The following SEPTIN2 variants were observed in gnomAD, a reference collection of about 807,000 sequenced individuals.
SEPTIN2 encodes septin-2.
SEPTIN2 carries 34 observed loss-of-function variants against 46.5 expected under a neutral mutation model. The ratio of observed to expected loss-of-function variants is 0.73; its 90% CI spans 0.56 to 0.97. The LOEUF is 0.97. Among genes scored for constraint, SEPTIN2 ranks in the 50% least tolerant of loss-of-function variants. SEPTIN2 has a pLI of 0.00. For synonymous variants in SEPTIN2, 175 were observed against 153.4 expected, an observed-to-expected ratio of 1.14 and a Z score of -1.04; for missense variants, 347 against 448.4, an observed-to-expected ratio of 0.77 and a Z score of 2.04.
At chr2:241,335,327 A>G in intron 4 of SEPTIN2, 115 bp downstream of exon 4, 10 of 1,554,528 alleles carry the variant, frequency 6.4e-6, no homozygotes, top group Non-Finnish European at 8.7e-6. Context: ...TTCAGCTTTG[A>G]ACACAAGGAA....
At chr2:241,335,641 T>A (rs1364310787) in intron 4 of SEPTIN2, 14 of 574,432 alleles carry the variant, frequency 2.4e-5, no homozygotes, top group Admixed American at 1.2e-4. Flanking sequence ...AGTGAGAGCC[T>A]AAGACTTGGG....
intron 1 of SEPTIN2, among the ~76,000 whole-genome samples, chr2:241,322,770 A>G (rs1234010569): frequency 1.3e-5 from 2 of 152,132 alleles, no homozygotes; most frequent in Admixed American, 6.5e-5. Context: ...AGGTAGCTCT[A>G]GGAAACTCCA....
chr2:241,323,558 A>G (rs1288822229), intron 1 of SEPTIN2, among the ~76,000 whole-genome samples: 1 of 152,078 alleles, frequency 6.6e-6, no homozygotes, highest in Non-Finnish European at 1.5e-5. Context: ...CGTCTGGCCT[A>G]ATTTTTTTAA....
intron 11 of SEPTIN2, among the ~76,000 whole-genome samples, chr2:241,349,202 A>G (rs2060548248): frequency 6.6e-6 from 1 of 151,766 alleles, no homozygotes; most frequent in Non-Finnish European, 1.5e-5. Flanking sequence ...CGTTCTCTAG[A>G]AAAAAATTAA....
intron 10 of SEPTIN2, among the ~76,000 whole-genome samples, chr2:241,346,783 G>C (rs747156093): frequency 6.6e-6 from 1 of 151,788 alleles, no homozygotes; most frequent in Non-Finnish European, 1.5e-5. Flanking sequence ...AGATGGAAAG[G>C]CCAGAGGCTT....
chr2:241,316,225 A>C, intron 1 of SEPTIN2: 2 of 346,276 alleles, frequency 5.8e-6, no homozygotes, highest in Non-Finnish European at 5.2e-6. Context: ...CGGGCGCGGG[A>C]GTGGGGATTC....
chr2:241,318,701 T>TC (rs1233854417), intron 1 of SEPTIN2, among the ~76,000 whole-genome samples: 2 of 148,442 alleles, frequency 1.3e-5, no homozygotes, highest in African/African-American at 5.0e-5. Flanking sequence ...ATTTGTATTT[T>TC]CTTTTTTTTT....
At position 241,335,108 on chromosome 2, in the gene SEPTIN2, T is replaced by A. The variant is rs1272182281; in HGVS notation, c.131-18T>A. The stretch of plus-strand genomic sequence containing the variant: ...CATATGAATAAGGTCATGACAAGGT[T>A]TTTCTTTTTATTTAAAGGTGAATCA... On this transcript the variant is annotated intron_variant, in intron 3 of 12. Transcript: ENST00000391971. 2 of 1,582,496 alleles carry A rather than the reference T, an allele frequency of 1.3e-6. No individual in the cohort carries two copies. The highest frequency in any genetic ancestry group is 1.7e-6 in the Non-Finnish European group (2 of 1,152,978).
chr2:241,348,091 T>C (rs1429369406), intron 10 of SEPTIN2, 43 bp from the exon 11 acceptor site: 1 of 1,498,232 alleles, frequency 6.7e-7, no homozygotes, highest in Non-Finnish European at 9.2e-7. Context: ...AGCAAATAAC[T>C]ATTTGTTGCA....
intron 10 of SEPTIN2, among the ~76,000 whole-genome samples, chr2:241,347,683 T>C (rs891448884): frequency 5.9e-5 from 9 of 152,226 alleles, no homozygotes; most frequent in African/African-American, 2.2e-4. Context: ...GTTCGAACTT[T>C]TTAAAATCAT....
chr2:241,350,417 CT>C (rs200565216), intron 12 of SEPTIN2, among the ~76,000 whole-genome samples: 9 of 149,688 alleles, frequency 6.0e-5, no homozygotes, highest in Non-Finnish European at 1.3e-4. Context: ...TTTGTCTCTT[CT>C]TTTTTTTTTA....
Position 241,352,656 on chromosome 2 carries a change from A to G in SEPTIN2, c.*719A>G, listed in dbSNP as rs574098140. On this transcript the variant is annotated 3_prime_UTR_variant, in exon 13 of 13. Transcript: ENST00000391971. ...TGTTTTTAAAACCACTATGCAAAGA[A>G]CTCACCACAAGCCACCTTTTGTAGT... 3 of 152,224 alleles carry G rather than the reference A, an allele frequency of 2.0e-5. No individual in the cohort carries two copies. In the East Asian group the frequency reaches 5.8e-4, roughly 29 times the overall value. The allele number at this position is 152,224 out of a possible 1,614,324, so 9.4% of individuals were successfully genotyped here.
intron 8 of SEPTIN2, among the ~76,000 whole-genome samples, chr2:241,343,455 C>T (rs1431442155): frequency 2.6e-5 from 4 of 151,650 alleles, no homozygotes; most frequent in African/African-American, 4.8e-5. Context: ...GCCGAGATCG[C>T]GCCTCTGCAC....
intron 2 of SEPTIN2, 169 bp downstream of exon 2, chr2:241,324,410 C>T (rs546196407): frequency 4.9e-5 from 27 of 550,504 alleles, no homozygotes; most frequent in Non-Finnish European, 6.7e-5. Flanking sequence ...TTTTTTGAGA[C>T]GGGAGTCTTG....
chr2:241,334,733 T>A (rs1380076428), intron 3 of SEPTIN2, among the ~76,000 whole-genome samples: 1 of 152,232 alleles, frequency 6.6e-6, no homozygotes, highest in East Asian at 1.9e-4. Flanking sequence ...TTCAGTTTTC[T>A]GAAAATGTGG....
intron 7 of SEPTIN2, 41 bp downstream of exon 7, chr2:241,337,831 T>C: frequency 7.2e-7 from 1 of 1,383,754 alleles, no homozygotes; most frequent in Non-Finnish European, 1.0e-6. Context: ...TGGGTGCGAC[T>C]CGGGGGCATG....
intron 7 of SEPTIN2, among the ~76,000 whole-genome samples, chr2:241,338,764 G>A (rs372686807): frequency 4.1e-4 from 8 of 19,694 alleles, no homozygotes; most frequent in East Asian, 3.8e-3. Flanking sequence ...TATTTATATT[G>A]TTTATATATA....
intron 3 of SEPTIN2, among the ~76,000 whole-genome samples, chr2:241,333,308 T>A (rs899092412): frequency 1.3e-5 from 2 of 152,196 alleles, no homozygotes; most frequent in African/African-American, 4.8e-5. Context: ...TTTAAAATTT[T>A]GTCAGACTTC....
chr2:241,318,712 T>TC (rs2076729360), intron 1 of SEPTIN2, among the ~76,000 whole-genome samples: 1 of 151,410 alleles, frequency 6.6e-6, no homozygotes, highest in Non-Finnish European at 1.5e-5. Flanking sequence ...CTTTTTTTTT[T>TC]TTTTTTTGAG....
Sources: gnomAD v4.1 joint callset for allele counts (sites outside exome capture counted in the v4.1 genomes callset) on GRCh38, gnomAD v4.1.1 for gene constraint, MANE v1.5 for transcripts, NCBI Gene and HGNC (gene_info 2026-07-23, HGNC 2026-07-21) for gene names.